The following SMAD6 variants were observed in gnomAD, a reference collection of about 807,000 sequenced individuals.
SMAD6 encodes MAD homolog 6.
In SMAD6, 103 loss-of-function variants were observed where a neutral mutation model predicts 39.4. The ratio of observed to expected loss-of-function variants is 2.62; its 90% CI spans 2.23 to 3.08. The LOEUF is 3.08. Ranked by LOEUF, SMAD6 falls within the 30% of genes most tolerant of loss-of-function variation. The pLI, the probability that SMAD6 is intolerant of heterozygous loss-of-function variation, is 0.00. For missense variants in SMAD6, 1,104 were observed against 742.9 expected (o/e 1.49, Z -5.65); for synonymous variants, 445 against 353.3 (o/e 1.26, Z -2.91).
In SMAD6 at chr15:66,711,728, A is replaced by G. The variant is rs375338619; in HGVS notation, c.874+4A>G. The stretch of plus-strand genomic sequence containing the variant: ...CGCGACGAGTACAAGCCACTGGGTA[A>G]GTGTGCCCTCCTTCCTACCCTTGCA... On this transcript the variant is annotated splice_donor_region_variant and intron_variant, in intron 2 of 3. Transcript: ENST00000288840. 30 of 1,611,648 alleles carry G rather than the reference A, an allele frequency of 1.9e-5. No homozygotes were observed. Among genetic ancestry groups the G allele is most frequent in the Middle Eastern group, 1.6e-4 (1 of 6,084 alleles).
chr15:66,773,114 G>A (rs1469454841), intron 3 of SMAD6, among the ~76,000 whole-genome samples: 1 of 152,086 alleles, frequency 6.6e-6, no homozygotes, highest in African/African-American at 2.4e-5. Flanking sequence ...GGCAGGCTGC[G>A]GTGGTGGCCA....
In SMAD6 at chr15:66,781,840, C is replaced by G. The variant is rs1894584752; in HGVS notation, c.*305C>G. On this transcript the variant is annotated 3_prime_UTR_variant, in exon 4 of 4. Coordinates refer to ENST00000288840, the MANE Select transcript of SMAD6 (RefSeq NM_005585.5). ...TATATTTTCTTTCTCTTCCTCCTTC[C>G]TCTTCCTTACTTTTTATATATATAT... The G allele has an allele frequency of 2.5e-6, 1 of 398,546 alleles. No homozygotes were observed. Among genetic ancestry groups the G allele is most frequent in the Non-Finnish European group, 4.4e-6 (1 of 226,054 alleles). 24.7% of individuals were successfully genotyped at this position (398,546 alleles called of 1,614,324 possible). A position where few individuals can be genotyped will look rare whatever the true frequency, so the allele number is the denominator to read the frequency against.
At chr15:66,731,937 T>C (rs1166327820) in intron 3 of SMAD6, among the ~76,000 whole-genome samples, 2 of 148,404 alleles carry the variant, frequency 1.3e-5, no homozygotes, top group Non-Finnish European at 3.0e-5. Flanking sequence ...TAGTATCTCA[T>C]TGTGACTTTT....
At chr15:66,716,923 A>C in intron 3 of SMAD6, 1 of 1,204,196 alleles carries the variant, frequency 8.3e-7, no homozygotes, top group Non-Finnish European at 1.1e-6. Context: ...GATTGGGGGA[A>C]TTGGAGCCGG....
At chr15:66,729,164 C>G (rs1595774418) in intron 3 of SMAD6, among the ~76,000 whole-genome samples, 1 of 152,288 alleles carries the variant, frequency 6.6e-6, no homozygotes, top group East Asian at 1.9e-4. Flanking sequence ...CGTCCAGGAC[C>G]TCTGCCCACA....
intron 3 of SMAD6, among the ~76,000 whole-genome samples, chr15:66,727,212 C>T (rs1435956965): frequency 6.6e-6 from 1 of 151,940 alleles, no homozygotes; most frequent in Non-Finnish European, 1.5e-5. Context: ...AAGTGATTCT[C>T]CTCTCTCAGC....
chr15:66,748,016 C>T (rs1312982900), intron 3 of SMAD6, among the ~76,000 whole-genome samples: 3 of 152,202 alleles, frequency 2.0e-5, no homozygotes, highest in Non-Finnish European at 4.4e-5. Flanking sequence ...CAGACCACTC[C>T]TTCCAATCAT....
rs958758977 is a variant in SMAD6 at position 66,703,909 on chromosome 15, C to G, written c.651C>G (p.Gly217=). Residue 217 remains glycine, a synonymous_variant, in exon 1 of 4, where the codon GGC becomes GGG. Transcript: ENST00000288840. ...LVPRADLRLG[G]QPAPPQLLLG... is the part of the protein sequence containing the mutation. The stretch of plus-strand genomic sequence containing the variant: ...CGCGCGCCGACCTCCGCCTGGGCGG[C>G]CAGCCCGCGCCGCCGCAGCTGCTGC... 5.2e-5 allele frequency: 67 copies of G among 1,289,850 alleles called. No homozygotes were observed. Among genetic ancestry groups the G allele is most frequent in the Non-Finnish European group, 6.3e-5 (65 of 1,024,120 alleles). The allele number at this position is 1,289,850 out of a possible 1,614,324, so 79.9% of individuals were successfully genotyped here. A position where few individuals can be genotyped will look rare whatever the true frequency, so the allele number is the denominator to read the frequency against.
intron 3 of SMAD6, among the ~76,000 whole-genome samples, chr15:66,727,966 C>T (rs1893552586): frequency 6.6e-6 from 1 of 152,136 alleles, no homozygotes; most frequent in Admixed American, 6.5e-5. Context: ...AATTCTCCTG[C>T]CTCAGCCTCC....
At chr15:66,716,562 G>A in intron 3 of SMAD6, 64 bp downstream of exon 3, 1 of 1,199,108 alleles carries the variant, frequency 8.3e-7, no homozygotes, top group Non-Finnish European at 1.2e-6. Context: ...AGCTGCGGAG[G>A]GGGCTTGGTG....
At chr15:66,707,785 C>T (rs3809571) in intron 1 of SMAD6, 1 of 152,098 alleles carries the variant, frequency 6.6e-6, no homozygotes, top group African/African-American at 2.4e-5. Context: ...GGCCCCCTCC[C>T]CATCCACAGC....
At chr15:66,742,699 C>T (rs960217704) in intron 3 of SMAD6, among the ~76,000 whole-genome samples, 2 of 152,188 alleles carry the variant, frequency 1.3e-5, no homozygotes, top group South Asian at 2.1e-4. Context: ...TAATGAAGCT[C>T]ATGGCTCTCA....
intron 3 of SMAD6, among the ~76,000 whole-genome samples, chr15:66,760,975 C>T (rs1416518065): frequency 2.6e-5 from 4 of 152,234 alleles, no homozygotes; most frequent in African/African-American, 9.6e-5. Flanking sequence ...TTGTTAAAAA[C>T]ATAGATTCCC....
intron 3 of SMAD6, among the ~76,000 whole-genome samples, chr15:66,759,973 G>A (rs1287755194): frequency 6.6e-6 from 1 of 152,182 alleles, no homozygotes; most frequent in African/African-American, 2.4e-5. Flanking sequence ...GGCGGCCTCT[G>A]CAGACTTTTC....
At position 66,703,205 on chromosome 15, in the gene SMAD6, C is replaced by A; in HGVS notation, c.-54C>A. 2 of 1,273,306 alleles carry A rather than the reference C, an allele frequency of 1.6e-6. No homozygotes were observed. The highest frequency in any genetic ancestry group is 2.1e-5 in the South Asian group (1 of 47,398). The allele number at this position is 1,273,306 out of a possible 1,614,324, so 78.9% of individuals were successfully genotyped here. On this transcript the variant is annotated 5_prime_UTR_variant, in exon 1 of 4. Coordinates refer to ENST00000288840, the MANE Select transcript of SMAD6 (RefSeq NM_005585.5). ...GCCGGCGCCTCGCTGAGGGAACGGACCCCCGGTAACCGGAGACCGCCTCCC... is the reference window on the plus strand; with the variant it reads ...GCCGGCGCCTCGCTGAGGGAACGGAACCCCGGTAACCGGAGACCGCCTCCC...
chr15:66,730,686 A>G (rs1325246212), intron 3 of SMAD6, among the ~76,000 whole-genome samples: 2 of 152,240 alleles, frequency 1.3e-5, no homozygotes, highest in African/African-American at 4.8e-5. Context: ...CTAAAAGATG[A>G]GTACAAAACA....
chr15:66,702,961 T>G lies in SMAD6; in HGVS notation c.-298T>G. 3.6e-6 allele frequency: 1 copy of G among 274,220 alleles called. No homozygotes were observed. The highest frequency in any genetic ancestry group is 6.9e-6 in the Non-Finnish European group (1 of 145,638). The allele number at this position is 274,220 out of a possible 1,614,324, so 17.0% of individuals were successfully genotyped here. On this transcript the variant is annotated 5_prime_UTR_variant, in exon 1 of 4. Transcript: ENST00000288840. ...GGCGGCGCGCCGCCTGCAGCCCCCC[T>G]AAAGCGCGGGGGCTGGAGTTGTTGA...
chr15:66,704,856 ACACGCCC>A (rs1893075106), intron 1 of SMAD6: 1 of 152,606 alleles, frequency 6.6e-6, no homozygotes, highest in Non-Finnish European at 1.5e-5. Context: ...GATTTCCTGC[ACACGCCC>A]CACCCTCAGC....
chr15:66,781,260 G>C lies in SMAD6; in HGVS notation c.1216G>C (p.Gly406Arg). ...EPDGVWAYNR[G>R]EHPIFVNSPT... ...CGACGGCGTGTGGGCCTACAACCGC[G>C]GCGAGCACCCCATCTTCGTCAACTC... The change falls in exon 4 of 4, where the codon GGC (glycine) becomes CGC (arginine). Residue 406 changes from glycine to arginine, a missense_variant. By Grantham distance (125) the Gly-to-Arg change is moderately radical. Coordinates refer to ENST00000288840, the MANE Select transcript of SMAD6 (RefSeq NM_005585.5). The C allele has an allele frequency of 6.2e-7, 1 of 1,607,974 alleles. No homozygotes were observed. The highest frequency in any genetic ancestry group is 8.5e-7 in the Non-Finnish European group (1 of 1,179,164).
Sources: gnomAD v4.1 joint callset for allele counts (sites outside exome capture counted in the v4.1 genomes callset) on GRCh38, gnomAD v4.1.1 for gene constraint, MANE v1.5 for transcripts, NCBI Gene and HGNC (gene_info 2026-07-23, HGNC 2026-07-21) for gene names.